Variants in SAXO3 observed in about 807,000 individuals in gnomAD.
SAXO3 encodes stabilizer of axonemal microtubules 3.
the SAXO3 span, chr19:49,019,106 A>G: frequency 9.7e-6 from 14 of 1,437,466 alleles, no homozygotes; most frequent in Non-Finnish European, 1.3e-5. Flanking sequence ...CTCGACAGCC[A>G]TGACGGCCAC....
the SAXO3 span, chr19:49,019,033 G>C: frequency 1.6e-5 from 25 of 1,516,154 alleles, no homozygotes; most frequent in Non-Finnish European, 2.2e-5. Flanking sequence ...GCATACCCAA[G>C]ACATAGATTT....
the SAXO3 span, chr19:49,019,273 CA>C: frequency 1.2e-5 from 15 of 1,265,340 alleles, no homozygotes; most frequent in South Asian, 6.7e-5. Flanking sequence ...CCCCAGCCAC[CA>C]AAAACAACCT....
At chr19:49,019,655 G>C in the SAXO3 span, 3 of 1,257,694 alleles carry the variant, frequency 2.4e-6, no homozygotes, top group African/African-American at 3.1e-5. Flanking sequence ...ACCTGGGAAG[G>C]ACCCCCGCGG....
chr19:49,019,368 T>C, the SAXO3 span: 1 of 1,236,160 alleles, frequency 8.1e-7, no homozygotes, highest in Non-Finnish European at 1.0e-6. Context: ...AAGTTACCTC[T>C]CCCAACTCCC....
the SAXO3 span, chr19:49,019,524 TC>T: frequency 8.5e-7 from 1 of 1,174,788 alleles, no homozygotes. Context: ...CCCCGGCTCC[TC>T]TAACCTCGCG....
At chr19:49,019,502 GCCCA>G in the SAXO3 span, 8 of 1,078,740 alleles carry the variant, frequency 7.4e-6, no homozygotes, top group African/African-American at 2.8e-5. Flanking sequence ...CTGGCCTAAT[GCCCA>G]GCCCCTCCCC....
the SAXO3 span, chr19:49,018,324 A>G: frequency 5.8e-6 from 7 of 1,215,736 alleles, no homozygotes; most frequent in African/African-American, 1.6e-5. Context: ...TTGCGGGGGT[A>G]TCCGGACAGC....
chr19:49,019,615 C>CTG, the SAXO3 span: 55 of 1,259,200 alleles, frequency 4.4e-5, no homozygotes, highest in Admixed American at 7.7e-5. Flanking sequence ...AGCTCCGCCC[C>CTG]GTCTCGCCGG....
the SAXO3 span, chr19:49,020,469 T>A: frequency 2.5e-6 from 1 of 398,862 alleles, no homozygotes; most frequent in Non-Finnish European, 4.4e-6. Flanking sequence ...TCCAGGTACC[T>A]CGGTTGCAGA....
At chr19:49,018,471 A>G in the SAXO3 span, 2 of 517,284 alleles carry the variant, frequency 3.9e-6, no homozygotes, top group Non-Finnish European at 6.0e-6. Context: ...GAAGGACGCG[A>G]CCCGGCACGC....
At chr19:49,019,459 G>A in the SAXO3 span, 1 of 1,253,356 alleles carries the variant, frequency 8.0e-7, no homozygotes. Flanking sequence ...TAGGAGCCCT[G>A]AAGGTGAGTT....
At chr19:49,018,241 A>C in the SAXO3 span, 1 of 808,494 alleles carries the variant, frequency 1.2e-6, no homozygotes, top group East Asian at 3.4e-5. Flanking sequence ...AGGAGCGCGG[A>C]CAGGGCGGCC....
the SAXO3 span, chr19:49,019,508 C>T: frequency 8.5e-7 from 1 of 1,173,296 alleles, no homozygotes; most frequent in East Asian, 3.2e-5. Flanking sequence ...TAATGCCCAG[C>T]CCCTCCCCCG....
chr19:49,019,434 A>T, the SAXO3 span: 1 of 1,257,922 alleles, frequency 7.9e-7, no homozygotes, highest in African/African-American at 1.5e-5. Flanking sequence ...CCCGCCGTCT[A>T]GCTCCGCAGC....
At chr19:49,018,610 G>GC in the SAXO3 span, among the ~76,000 whole-genome samples, 1 of 152,044 alleles carries the variant, frequency 6.6e-6, no homozygotes, top group Non-Finnish European at 1.5e-5. Context: ...ACCGAAGGAG[G>GC]CCCTGCCCTC....
the SAXO3 span, chr19:49,019,651 G>A: frequency 7.9e-7 from 1 of 1,263,098 alleles, no homozygotes; most frequent in Non-Finnish European, 1.0e-6. Context: ...AGACACCTGG[G>A]AAGGACCCCC....
At chr19:49,019,601 C>T in the SAXO3 span, 1 of 1,256,408 alleles carries the variant, frequency 8.0e-7, no homozygotes. Context: ...CCCCAGGCTC[C>T]CGGAGCTCCG....
the SAXO3 span, chr19:49,018,049 G>A: frequency 2.5e-6 from 1 of 398,634 alleles, no homozygotes; most frequent in African/African-American, 2.1e-5. Flanking sequence ...TGCCCCGCAG[G>A]GGCTTCCAGT....
the SAXO3 span, chr19:49,020,040 G>A: frequency 6.9e-7 from 1 of 1,442,066 alleles, no homozygotes; most frequent in Non-Finnish European, 9.0e-7. Context: ...CATCTGCTGA[G>A]GACCTCGTCG....
Sources: gnomAD v4.1 joint callset for allele counts (sites outside exome capture counted in the v4.1 genomes callset) on GRCh38, gnomAD v4.1.1 for gene constraint, MANE v1.5 for transcripts, NCBI Gene and HGNC (gene_info 2026-07-23, HGNC 2026-07-21) for gene names.